Variants in BCAT1 observed in about 807,000 individuals in gnomAD.
BCAT1 encodes the protein branched chain amino acid transaminase 1, also known as branched-chain-amino-acid aminotransferase, cytosolic.
In BCAT1, 48 loss-of-function variants were observed where a neutral mutation model predicts 52.4. That is an observed-to-expected ratio of 0.92 (90% CI 0.73 to 1.16). The LOEUF is 1.16. Ranked by LOEUF, BCAT1 falls within the 50% of genes most tolerant of loss-of-function variation. BCAT1 has a pLI of 0.00. For missense variants in BCAT1, 451 were observed against 457.1 expected, an observed-to-expected ratio of 0.99 and a Z score of 0.12; for synonymous variants, 167 against 161.3, an observed-to-expected ratio of 1.04 and a Z score of -0.27.
intron 3 of BCAT1, among the ~76,000 whole-genome samples, chr12:24,884,115 G>A (rs916485262): frequency 1.3e-5 from 2 of 152,166 alleles, no homozygotes; most frequent in African/African-American, 4.8e-5. Context: ...TCCATCAACA[G>A]ATGAATCGAT....
At chr12:24,888,508 A>AT (rs1412633655) in intron 3 of BCAT1, among the ~76,000 whole-genome samples, 1 of 152,174 alleles carries the variant, frequency 6.6e-6, no homozygotes, top group Non-Finnish European at 1.5e-5. Context: ...CAGAAAAAAA[A>AT]GAAAGAAAGA....
At chr12:24,891,655 A>G (rs1373080664) in intron 3 of BCAT1, among the ~76,000 whole-genome samples, 1 of 152,170 alleles carries the variant, frequency 6.6e-6, no homozygotes, top group Non-Finnish European at 1.5e-5. Flanking sequence ...CAGTAATTTG[A>G]GAGTTTTTTT....
intron 5 of BCAT1, among the ~76,000 whole-genome samples, chr12:24,854,533 T>C (rs900643745): frequency 1.2e-4 from 18 of 152,272 alleles, no homozygotes; most frequent in Middle Eastern, 3.4e-3. Flanking sequence ...CAGCGGTCCA[T>C]ACAGGGCTTG....
intron 1 of BCAT1, among the ~76,000 whole-genome samples, chr12:24,910,574 G>A (rs1252880746): frequency 6.6e-6 from 1 of 152,044 alleles, no homozygotes; most frequent in Non-Finnish European, 1.5e-5. Context: ...AAAAGGGTGA[G>A]ATAAACATGA....
chr12:24,821,092 T>C (rs1312251930), intron 10 of BCAT1, among the ~76,000 whole-genome samples: 1 of 152,186 alleles, frequency 6.6e-6, no homozygotes, highest in East Asian at 1.9e-4. Flanking sequence ...AAAGTTTGTA[T>C]GCACACGGAG....
rs772537921 is a variant in BCAT1 at position 24,811,003 on chromosome 12, AT to A, written c.*7004del. 1 of 152,136 alleles carries A rather than the reference AT, an allele frequency of 6.6e-6. No individual in the cohort carries two copies. Among genetic ancestry groups the A allele is most frequent in the Non-Finnish European group, 1.5e-5 (1 of 68,004 alleles). The allele number at this position is 152,136 out of a possible 1,614,324, so 9.4% of individuals were successfully genotyped here. A position where few individuals can be genotyped will look rare whatever the true frequency, so the allele number is the denominator to read the frequency against. Reference sequence around the variant, plus strand: ...TATAGAAGTATGGTGTTTATCAGTGATGTAGATCCATTATGACAATGAATGG... The same window carrying A: ...TATAGAAGTATGGTGTTTATCAGTGAGTAGATCCATTATGACAATGAATGG... On this transcript the variant is annotated 3_prime_UTR_variant, in exon 11 of 11. Transcript: ENST00000261192.
chr12:24,925,789 G>A (rs1433466413), intron 1 of BCAT1, among the ~76,000 whole-genome samples: 5 of 152,178 alleles, frequency 3.3e-5, no homozygotes, highest in African/African-American at 9.7e-5. Flanking sequence ...ACGGGGTTTC[G>A]CTGTGTTGGC....
In BCAT1 at chr12:24,851,630, A is replaced by G. The variant is rs535964203; in HGVS notation, c.511-1681T>C. Among the ~76,000 whole-genome samples, 50 of 152,348 alleles carry G rather than the reference A, an allele frequency of 3.3e-4. 1 individual carries two copies. The highest frequency in any genetic ancestry group is 1.0e-3 in the South Asian group (5 of 4,832). On this transcript the variant is annotated intron_variant, in intron 5 of 10. Coordinates refer to ENST00000261192, the MANE Select transcript of BCAT1 (RefSeq NM_005504.7). ...GAAGACTATGTTAGAGAAATCCGTC[A>G]GCAAGCAACAACAGGTTTTGATTGT...
intron 1 of BCAT1, among the ~76,000 whole-genome samples, chr12:24,914,009 G>A (rs1013068798): frequency 3.9e-5 from 6 of 152,072 alleles, no homozygotes; most frequent in African/African-American, 1.4e-4. Flanking sequence ...TAGCCTCAAG[G>A]GAGAATGAAA....
chr12:24,900,598 AAAAG>A (rs903230691), intron 2 of BCAT1, among the ~76,000 whole-genome samples: 1 of 152,228 alleles, frequency 6.6e-6, no homozygotes, highest in African/African-American at 2.4e-5. Context: ...AAAAAAAAGA[AAAAG>A]AAAGGAAAAG....
At chr12:24,829,925 T>C in intron 9 of BCAT1, 28 bp from the exon 10 acceptor site, 1 of 1,536,516 alleles carries the variant, frequency 6.5e-7, no homozygotes, top group Non-Finnish European at 8.9e-7. Context: ...ATGAGATAAT[T>C]TGAGGGTACT....
At chr12:24,920,273 G>A (rs1405273790) in intron 1 of BCAT1, among the ~76,000 whole-genome samples, 1 of 151,958 alleles carries the variant, frequency 6.6e-6, no homozygotes, top group Non-Finnish European at 1.5e-5. Context: ...TGGAAGCTGC[G>A]TTATTTATAA....
At chr12:24,902,061 G>C in intron 1 of BCAT1, 176 bp from the exon 2 acceptor site, 3 of 1,530,618 alleles carry the variant, frequency 2.0e-6, no homozygotes, top group Non-Finnish European at 2.6e-6. Flanking sequence ...AGCGTGTCTT[G>C]GGAGCGCTGC....
At chr12:24,835,595 A>ATTT (rs879684901) in intron 8 of BCAT1, among the ~76,000 whole-genome samples, 2,600 of 143,302 alleles carry the variant, frequency 0.018, 43 homozygotes, top group African/African-American at 0.039. Context: ...TTATTTATTT[A>ATTT]ATTTACTTTT....
At chr12:24,843,206 A>G (rs1941225261) in intron 6 of BCAT1, among the ~76,000 whole-genome samples, 1 of 152,118 alleles carries the variant, frequency 6.6e-6, no homozygotes. Context: ...CTCCTACATT[A>G]CATTACATTA....
chr12:24,915,953 T>G (rs1943400580), intron 1 of BCAT1, among the ~76,000 whole-genome samples: 1 of 151,538 alleles, frequency 6.6e-6, no homozygotes, highest in South Asian at 2.1e-4. Flanking sequence ...AGGTCAGGAG[T>G]TCAAGACCAC....
Position 24,887,080 on chromosome 12 carries a change from AATATATATATAT to A in BCAT1, c.280-5681_280-5670del, listed in dbSNP as rs71063368. On this transcript the variant is annotated intron_variant, in intron 3 of 10. Transcript: ENST00000261192. Reference sequence around the variant, plus strand: ...GCTAGCTAAAAAAAAAAAAAAAAAAAATATATATATATATATATATATATATATATAAAGCTG... The same window carrying A: ...GCTAGCTAAAAAAAAAAAAAAAAAAAATATATATATATATATATAAAGCTG... Among the ~76,000 whole-genome samples, 44 of 40,740 alleles carry A rather than the reference AATATATATATAT, an allele frequency of 1.1e-3. 1 individual carries two copies. Among genetic ancestry groups the A allele is most frequent in the African/African-American group, 2.6e-3 (34 of 13,050 alleles). The allele number at this position is 40,740 out of a possible 152,430, so 26.7% of individuals were successfully genotyped here. A position where few individuals can be genotyped will look rare whatever the true frequency, so the allele number is the denominator to read the frequency against.
intron 5 of BCAT1, among the ~76,000 whole-genome samples, chr12:24,876,801 G>A (rs1474863921): frequency 2.0e-5 from 3 of 152,230 alleles, no homozygotes; most frequent in African/African-American, 4.8e-5. Context: ...AGGGTCTGTC[G>A]GAAGGGGCGG....
Position 24,894,281 on chromosome 12 carries a change from T to G in BCAT1, c.273A>C (p.Ala91=). ...TTAATTCCCATGTACTTACTTCCAC[T>G]GCATAGTGCAAAGCTGATGAGCCAG... is the stretch of plus-strand genomic sequence containing the variant. ...LHPGSSALHY[A]VELFEGLKAF... Residue 91 remains alanine (A), a synonymous_variant, in exon 3 of 11, where the codon GCA becomes GCC. Transcript: ENST00000261192. 1 of 1,613,908 alleles carries G rather than the reference T, an allele frequency of 6.2e-7. No homozygotes were observed. The highest frequency in any genetic ancestry group is 1.3e-5 in the African/African-American group (1 of 75,048).
Sources: gnomAD v4.1 joint callset for allele counts (sites outside exome capture counted in the v4.1 genomes callset) on GRCh38, gnomAD v4.1.1 for gene constraint, MANE v1.5 for transcripts, NCBI Gene and HGNC (gene_info 2026-07-23, HGNC 2026-07-21) for gene names.